COPG1: variants seen among roughly 807,000 people sequenced by gnomAD.
COPG1 encodes the protein coat protein complex I subunit gamma 1.
Under a neutral mutation model 102.8 loss-of-function variants are expected in COPG1, and 29 were observed. The ratio of observed to expected loss-of-function variants is 0.28; its 90% CI spans 0.21 to 0.38. The LOEUF is 0.38. COPG1 is among the 10% of genes least tolerant of loss of function. The pLI is 1.00. For synonymous variants in COPG1, 406 were observed against 421.6 expected (o/e 0.96, Z 0.45); for missense variants, 875 against 1,132.7 (o/e 0.77, Z 3.27).
intron 21 of COPG1, 48 bp downstream of exon 21, chr3:129,272,952 G>T (rs1365053419): frequency 1.8e-6 from 2 of 1,084,984 alleles, no homozygotes; most frequent in Non-Finnish European, 2.8e-6. Flanking sequence ...AGGCTGCAAA[G>T]CAACTCCCTT....
rs930091928 is a variant in COPG1 at position 129,268,627 on chromosome 3, C to T, written c.1774+7C>T. 6.2e-7 allele frequency: 1 copy of T among 1,613,698 alleles called. No individual in the cohort carries two copies. The highest frequency in any genetic ancestry group is 8.5e-7 in the Non-Finnish European group (1 of 1,179,830). ...ATGGCAGAGCAGAGAACAGGTAACA[C>T]TTATACTCCTCCCAGAGGCCATCAA... On this transcript the variant is annotated splice_region_variant and intron_variant, in intron 17 of 23. Coordinates refer to ENST00000314797, the MANE Select transcript of COPG1 (RefSeq NM_016128.4).
intron 14 of COPG1, 108 bp downstream of exon 14, chr3:129,265,900 C>G: frequency 9.3e-7 from 1 of 1,075,394 alleles, no homozygotes; most frequent in Non-Finnish European, 1.3e-6. Flanking sequence ...AGTGTTCTTG[C>G]TGCACAAGCT....
intron 2 of COPG1, 85 bp downstream of exon 2, chr3:129,250,819 T>C: frequency 3.2e-6 from 4 of 1,259,040 alleles, no homozygotes; most frequent in African/African-American, 1.5e-5. Context: ...CAAAGTGTTG[T>C]TTTAAAGAGC....
At chr3:129,254,320 T>C (rs1042374320) in intron 5 of COPG1, 2 of 186,794 alleles carry the variant, frequency 1.1e-5, no homozygotes, top group South Asian at 1.3e-4. Flanking sequence ...TAGGACAGAG[T>C]GGAGGTGAGG....
intron 7 of COPG1, 57 bp downstream of exon 7, chr3:129,255,134 TAA>T: frequency 8.8e-7 from 1 of 1,142,576 alleles, no homozygotes. Context: ...GAAGAAAATT[TAA>T]GAGTCACATT....
Position 129,277,307 on chromosome 3 carries a change from T to C in COPG1, c.2508T>C (p.Gly836=). 6.2e-7 allele frequency: 1 copy of C among 1,613,926 alleles called. No individual in the cohort carries two copies. The highest frequency in any genetic ancestry group is 8.5e-7 in the Non-Finnish European group (1 of 1,179,964). Residue 836 remains glycine, a synonymous_variant, in exon 24 of 24, where the codon GGT becomes GGC. Coordinates refer to ENST00000314797, the MANE Select transcript of COPG1 (RefSeq NM_016128.4). ...HTLLLAGVFR[G]GHDILVRSRL... ...CTTCCCTTCTAGGTGTGTTCCGGGG[T>C]GGTCATGACATCCTGGTGCGCTCCC...
intron 18 of COPG1, 47 bp downstream of exon 18, chr3:129,269,047 C>T: frequency 3.9e-6 from 6 of 1,531,890 alleles, no homozygotes; most frequent in Non-Finnish European, 5.4e-6. Context: ...GCTTAGTTTC[C>T]TCAGGGGGTT....
Position 129,252,895 on chromosome 3 carries a change from G to T in COPG1, c.263G>T (p.Cys88Phe). Residue 88 changes from cysteine to phenylalanine, a missense_variant, in exon 5 of 24, where the codon TGC becomes TTC. Physicochemically the swap from Cys to Phe is radical, Grantham distance 205. Coordinates refer to ENST00000314797, the MANE Select transcript of COPG1 (RefSeq NM_016128.4). ...QSNDPTLRRM[C>F]YLTIKEMSCI... ...TCCCAGCCCACACTCCGTCGGATGT[G>T]CTACTTGACCATCAAGGAGATGTCT... The T allele has an allele frequency of 1.2e-6, 2 of 1,614,188 alleles. No individual in the cohort carries two copies. The highest frequency in any genetic ancestry group is 2.2e-5 in the East Asian group (1 of 44,888).
intron 10 of COPG1, among the ~76,000 whole-genome samples, chr3:129,259,413 A>T (rs933711717): frequency 6.4e-4 from 96 of 150,404 alleles, no homozygotes; most frequent in African/African-American, 2.3e-3. Context: ...GTGAGCCGAG[A>T]TCGCGCCACT....
At position 129,277,535 on chromosome 3, in the gene COPG1, T is replaced by A; in HGVS notation, c.*111T>A. ...CCCAAGCTTCTGTATTGAAAAACAATTAGGAATCATTGCAGATTTTTTTTT... is the reference window on the plus strand; with the variant it reads ...CCCAAGCTTCTGTATTGAAAAACAAATAGGAATCATTGCAGATTTTTTTTT... On this transcript the variant is annotated 3_prime_UTR_variant, in exon 24 of 24. Transcript: ENST00000314797. 2 of 1,182,924 alleles carry A rather than the reference T, an allele frequency of 1.7e-6. No homozygotes were observed. The highest frequency in any genetic ancestry group is 2.4e-6 in the Non-Finnish European group (2 of 848,262). The allele number at this position is 1,182,924 out of a possible 1,614,324, so 73.3% of individuals were successfully genotyped here.
chr3:129,273,357 T>C (rs59324133), intron 21 of COPG1, among the ~76,000 whole-genome samples: 4,267 of 152,290 alleles, frequency 0.028, 151 homozygotes, highest in East Asian at 0.11. Context: ...GAAATACATG[T>C]TCATGTGTAA....
Position 129,275,708 on chromosome 3 carries a change from A to G in COPG1, c.2494+416A>G. Among the ~76,000 whole-genome samples the G allele has an allele frequency of 6.6e-6, 1 of 152,198 alleles. No individual in the cohort carries two copies. The highest frequency in any genetic ancestry group is 2.1e-4 in the South Asian group (1 of 4,832). ...TCATTCTTTTTCTTTTAATTGTGGT[A>G]AAATATACATAAAATTCACCATTTC... is the stretch of plus-strand genomic sequence containing the variant. On this transcript the variant is annotated intron_variant, in intron 23 of 23. Transcript: ENST00000314797. This position sits in a 1 kb window ranked among gnomAD's most constrained non-coding sequence, Gnocchi z 5.0.
In COPG1 at chr3:129,265,647, G is replaced by A; in HGVS notation, c.1323G>A (p.Glu441=). 1 of 1,614,236 alleles carries A rather than the reference G, an allele frequency of 6.2e-7. No homozygotes were observed. Among genetic ancestry groups the A allele is most frequent in the Non-Finnish European group, 8.5e-7 (1 of 1,180,046 alleles). Residue 441 remains glutamate (E), a synonymous_variant, in exon 14 of 24, where the codon GAG becomes GAA. Coordinates refer to ENST00000314797, the MANE Select transcript of COPG1 (RefSeq NM_016128.4). ...AGACAGGGCTGTCACATCTGTGCGA[G>A]TTCATCGAGGACTGCGAGTTCACAG... ...SKETGLSHLC[E]FIEDCEFTVL... is the part of the protein sequence containing the mutation.
intron 12 of COPG1, among the ~76,000 whole-genome samples, chr3:129,263,334 A>T (rs1401325009): frequency 6.6e-6 from 1 of 152,132 alleles, no homozygotes; most frequent in Non-Finnish European, 1.5e-5. Flanking sequence ...GTGGTTGCAG[A>T]CATGTGGAGT....
At chr3:129,260,574 C>T (rs558168165) in intron 11 of COPG1, 45 bp from the exon 12 acceptor site, 1 of 1,595,404 alleles carries the variant, frequency 6.3e-7, no homozygotes, top group African/African-American at 1.3e-5. Flanking sequence ...AATGTAGTGA[C>T]AGCATTGGGT....
intron 12 of COPG1, among the ~76,000 whole-genome samples, chr3:129,261,471 T>C (rs2107675637): frequency 6.6e-6 from 1 of 152,250 alleles, no homozygotes; most frequent in African/African-American, 2.4e-5. Flanking sequence ...CATGGTCAGG[T>C]AAAGAGTTTT....
chr3:129,266,547 GA>G (rs1445932158), intron 14 of COPG1, among the ~76,000 whole-genome samples: 3 of 152,096 alleles, frequency 2.0e-5, no homozygotes, highest in Non-Finnish European at 4.4e-5. Flanking sequence ...ACAATTCAGT[GA>G]GCAACCTTCC....
rs994375919 is a variant in COPG1 at position 129,275,991 on chromosome 3, C to T, written c.2494+699C>T. On this transcript the variant is annotated intron_variant, in intron 23 of 23. Transcript: ENST00000314797. The surrounding 1 kb of genome is among the most constrained non-coding windows in gnomAD (Gnocchi z 5.0). ...TCGTGTACACACACACACACACACACACACACAGTTTACTTTGCATGTGTA... is the reference window on the plus strand; with the variant it reads ...TCGTGTACACACACACACACACACATACACACAGTTTACTTTGCATGTGTA... Among the ~76,000 whole-genome samples the T allele has an allele frequency of 2.6e-5, 4 of 151,810 alleles. No individual in the cohort carries two copies. The highest frequency in any genetic ancestry group is 5.9e-5 in the Non-Finnish European group (4 of 68,026).
chr3:129,277,566 G>C lies in COPG1; in HGVS notation c.*142G>C. Reference sequence around the variant, plus strand: ...ATCATTGCAGATTTTTTTTTATTCTGCTCCCACCTCCCACCCGGGACTACT... The same window carrying C: ...ATCATTGCAGATTTTTTTTTATTCTCCTCCCACCTCCCACCCGGGACTACT... On this transcript the variant is annotated 3_prime_UTR_variant, in exon 24 of 24. Coordinates refer to ENST00000314797, the MANE Select transcript of COPG1 (RefSeq NM_016128.4). The C allele has an allele frequency of 1.3e-6, 1 of 791,928 alleles. No individual in the cohort carries two copies. Among genetic ancestry groups the C allele is most frequent in the Non-Finnish European group, 1.9e-6 (1 of 536,178 alleles). 49.1% of individuals were successfully genotyped at this position (791,928 alleles called of 1,614,324 possible).
Sources: gnomAD v4.1 joint callset for allele counts (sites outside exome capture counted in the v4.1 genomes callset) on GRCh38, gnomAD v4.1.1 for gene constraint, Gnocchi (gnomAD v3.1) non-coding constraint, MANE v1.5 for transcripts, NCBI Gene and HGNC (gene_info 2026-07-23, HGNC 2026-07-21) for gene names.